PDE4DIP: variants seen among roughly 807,000 people sequenced by gnomAD.
The protein encoded by PDE4DIP is myomegalin.
PDE4DIP carries 59 observed loss-of-function variants against 221.4 expected under a neutral mutation model. The observed-to-expected ratio is 0.27, with a 90% CI of 0.22 to 0.33. The LOEUF is 0.33. PDE4DIP is among the 10% of genes least tolerant of loss of function. The probability of loss-of-function intolerance (pLI) is 1.00; values close to 1 mark genes in which losing one functional copy is unlikely to be tolerated. For synonymous variants in PDE4DIP, 404 were observed against 815.9 expected (o/e 0.50, Z 8.60); for missense variants, 1,036 against 2,154.2 (o/e 0.48, Z 10.28).
chr1:148,978,067 T>C lies in PDE4DIP; in HGVS notation c.2436+14T>C. ...GATCTCATAAAGGTCTTTCAAAACT[T>C]TTTAAAGACCACTGGAAATGTTCAC... On this transcript the variant is annotated intron_variant, in intron 18 of 43. Transcript: ENST00000369354. The C allele has an allele frequency of 1.2e-6, 2 of 1,607,244 alleles. No homozygotes were observed. Among genetic ancestry groups the C allele is most frequent in the Non-Finnish European group, 1.7e-6 (2 of 1,174,910 alleles).
intron 2 of PDE4DIP, chr1:148,930,180 T>A (rs1451226643): frequency 6.6e-6 from 1 of 151,972 alleles, no homozygotes; most frequent in African/African-American, 2.4e-5. Context: ...ATTTTCAGAC[T>A]TCAATAAAGT....
intron 21 of PDE4DIP, chr1:148,990,371 C>T (rs1393185785): frequency 1.9e-5 from 19 of 984,162 alleles, no homozygotes; most frequent in Non-Finnish European, 2.1e-5. Flanking sequence ...TTGTCTCCGT[C>T]GAATTCCTTA....
chr1:148,980,391 C>CA (rs1213239501), intron 20 of PDE4DIP, among the ~76,000 whole-genome samples: 19 of 148,648 alleles, frequency 1.3e-4, no homozygotes, highest in South Asian at 2.1e-4. Flanking sequence ...GACTCCGTCT[C>CA]AAAAAAAAAG....
intron 27 of PDE4DIP, 76 bp from the exon 31 acceptor site, chr1:149,007,125 A>G: frequency 1.5e-6 from 1 of 654,218 alleles, no homozygotes; most frequent in Non-Finnish European, 2.8e-6. Flanking sequence ...AGAAATCTCT[A>G]CAGAAGCCCC....
chr1:148,818,335 T>C (rs1372675968), intron 1 of PDE4DIP, among the ~76,000 whole-genome samples: 1 of 91,574 alleles, frequency 1.1e-5, no homozygotes, highest in Non-Finnish European at 2.1e-5. Flanking sequence ...TGTTAGATAG[T>C]TTTGCATTCC....
At chr1:148,975,039 C>T (rs57954414) in intron 17 of PDE4DIP, among the ~76,000 whole-genome samples, 8 of 130,926 alleles carry the variant, frequency 6.1e-5, no homozygotes, top group Non-Finnish European at 9.6e-5. Flanking sequence ...GGTGTAGTGG[C>T]GGGCGCCTGT....
At chr1:148,953,381 A>T in intron 5 of PDE4DIP, 1 of 1,614,238 alleles carries the variant, frequency 6.2e-7, no homozygotes, top group Non-Finnish European at 8.5e-7. Flanking sequence ...CCCTTCTAGC[A>T]GGTGGTCGAC....
chr1:149,012,658 C>A, exon 32 of PDE4DIP: 8 of 1,612,992 alleles, frequency 5.0e-6, no homozygotes, highest in Non-Finnish European at 6.8e-6. Context: ...CAGCTCCATC[C>A]AGCTTCCTGC....
intron 22 of PDE4DIP, among the ~76,000 whole-genome samples, chr1:148,995,900 T>A (rs1553564259): frequency 1.4e-5 from 2 of 141,258 alleles, no homozygotes; most frequent in African/African-American, 2.6e-5. Context: ...AAAAAAGAAA[T>A]AAAAAATAAA....
rs1297324446 is a variant in PDE4DIP, at chr1:148,820,612, A to G, written c.233+11875A>G. Among the ~76,000 whole-genome samples the G allele has an allele frequency of 8.2e-5, 12 of 146,350 alleles. No individual in the cohort carries two copies. In the East Asian group the frequency reaches 2.4e-3, roughly 29 times the overall value. On this transcript the variant is annotated intron_variant, in intron 1 of 45. Coordinates refer to the PDE4DIP transcript ENST00000524974. The stretch of plus-strand genomic sequence containing the variant: ...AAGTAGTTGTCTTCTAGATGACAAA[A>G]TGTCAAGTCAGAGATTATTGCAGAC...
intron 1 of PDE4DIP, among the ~76,000 whole-genome samples, chr1:148,922,399 C>CA (rs1281007671): frequency 2.0e-5 from 3 of 147,026 alleles, no homozygotes; most frequent in Non-Finnish European, 4.5e-5. Flanking sequence ...ACAAAAAATA[C>CA]AAAAAAATTA....
intron 22 of PDE4DIP, among the ~76,000 whole-genome samples, chr1:148,997,823 C>T (rs587767943): frequency 1.3e-5 from 2 of 152,206 alleles, no homozygotes; most frequent in Non-Finnish European, 1.5e-5. Context: ...AAAGAATCAC[C>T]GTATTCACAC....
chr1:148,975,456 G>A (rs587774921), intron 17 of PDE4DIP, among the ~76,000 whole-genome samples: 1 of 150,270 alleles, frequency 6.7e-6, no homozygotes, highest in Admixed American at 6.6e-5. Context: ...TAAAATGGGA[G>A]TGGAGAATAG....
chr1:148,898,859 T>A lies in PDE4DIP; in HGVS notation c.141+8965T>A, dbSNP rs1270914427. Among the ~76,000 whole-genome samples the A allele has an allele frequency of 1.8e-4, 20 of 110,740 alleles. 4 individuals carry two copies. The highest frequency in any genetic ancestry group is 7.7e-4 in the African/African-American group (19 of 24,632). The allele number at this position is 110,740 out of a possible 152,430, so 72.6% of individuals were successfully genotyped here. A position where few individuals can be genotyped will look rare whatever the true frequency, so the allele number is the denominator to read the frequency against. On this transcript the variant is annotated intron_variant, in intron 1 of 43. Transcript: ENST00000369354. ...CTTTTTTTTTTACTTTGAGACAGAG[T>A]CTTGCTCTGTCGGCCAGGCTGGAGT...
intron 20 of PDE4DIP, 66 bp downstream of exon 23, chr1:148,979,915 T>C (rs1553540940): frequency 1.3e-6 from 2 of 1,555,668 alleles, no homozygotes; most frequent in African/African-American, 2.7e-5. Flanking sequence ...CTATTGTATT[T>C]ATGCCTTTTA....
intron 1 of PDE4DIP, among the ~76,000 whole-genome samples, chr1:148,905,194 T>A: frequency 6.8e-6 from 1 of 146,188 alleles, no homozygotes; most frequent in Non-Finnish European, 1.5e-5. Flanking sequence ...TTTTTTTTTT[T>A]TTTTTTTGAG....
chr1:148,859,792 T>TTGTGTGTGTG lies in PDE4DIP; in HGVS notation c.234-3430_234-3421dup, dbSNP rs3978545. Among the ~76,000 whole-genome samples, 18 of 113,150 alleles carry TTGTGTGTGTG rather than the reference T, an allele frequency of 1.6e-4. 1 individual carries two copies. The highest frequency in any genetic ancestry group is 2.2e-4 in the Non-Finnish European group (12 of 53,892). The allele number at this position is 113,150 out of a possible 152,430, so 74.2% of individuals were successfully genotyped here. On this transcript the variant is annotated intron_variant, in intron 1 of 45. Transcript: ENST00000524974. ...GAATGTACCAACATATATTACCACTTTGTGTGTGTGTGTGTGTGTGTGTGT... is the reference window on the plus strand; with the variant it reads ...GAATGTACCAACATATATTACCACTTTGTGTGTGTGTGTGTGTGTGTGTGTGTGTGTGTGT...
chr1:148,980,240 A>C (rs1265183452), intron 20 of PDE4DIP, among the ~76,000 whole-genome samples: 1 of 152,198 alleles, frequency 6.6e-6, no homozygotes, highest in Non-Finnish European at 1.5e-5. Flanking sequence ...AAAAATACAA[A>C]AATTAGCTGG....
At chr1:149,017,519 G>C in intron 33 of PDE4DIP, 1 of 435,188 alleles carries the variant, frequency 2.3e-6, no homozygotes, top group Non-Finnish European at 4.2e-6. Context: ...TGTGTGGGAG[G>C]AGGCCCATGG....
Sources: gnomAD v4.1 joint callset for allele counts (sites outside exome capture counted in the v4.1 genomes callset) on GRCh38, gnomAD v4.1.1 for gene constraint, MANE v1.5 for transcripts, NCBI Gene and HGNC (gene_info 2026-07-23, HGNC 2026-07-21) for gene names.